THSD4: variants seen among roughly 807,000 people sequenced by gnomAD.
The protein encoded by THSD4 is thrombospondin type-1 domain-containing protein 4.
THSD4 carries 69 observed loss-of-function variants against 119.0 expected under a neutral mutation model. The observed-to-expected ratio is 0.58, with a 90% CI of 0.48 to 0.71. THSD4 has a LOEUF of 0.71. Among genes scored for constraint, THSD4 ranks in the 30% least tolerant of loss-of-function variants. The pLI, the probability that THSD4 is intolerant of heterozygous loss-of-function variation, is 0.00. For synonymous variants in THSD4, 524 were observed against 540.4 expected (o/e 0.97, Z 0.42); for missense variants, 1,393 against 1,391.1 (o/e 1.00, Z -0.02).
At chr15:71,165,314 T>A in intron 3 of THSD4, 1 of 1,584,212 alleles carries the variant, frequency 6.3e-7, no homozygotes. Flanking sequence ...AGAAGTTGAC[T>A]GAAGCATCTG....
intron 8 of THSD4, among the ~76,000 whole-genome samples, chr15:71,664,633 T>C (rs1459139814): frequency 6.6e-6 from 1 of 152,192 alleles, no homozygotes; most frequent in Non-Finnish European, 1.5e-5. Flanking sequence ...TAGTTATTTT[T>C]TCTGATCCTT....
intron 11 of THSD4, among the ~76,000 whole-genome samples, chr15:71,742,698 C>G (rs2141163156): frequency 6.6e-6 from 1 of 151,902 alleles, no homozygotes; most frequent in Admixed American, 6.6e-5. Context: ...GGTGCTGTCT[C>G]CCTTTCTAAA....
intron 11 of THSD4, among the ~76,000 whole-genome samples, chr15:71,744,806 A>G (rs1004865963): frequency 5.2e-4 from 79 of 152,346 alleles, no homozygotes; most frequent in African/African-American, 1.5e-3. Context: ...ATCTTGAACT[A>G]TAATGAAGAT....
At chr15:71,678,678 T>A (rs2051703093) in intron 8 of THSD4, among the ~76,000 whole-genome samples, 1 of 152,220 alleles carries the variant, frequency 6.6e-6, no homozygotes, top group African/African-American at 2.4e-5. Context: ...TCTGGCTGTT[T>A]TAGCATCAAC....
chr15:71,553,624 G>C (rs893785735), intron 7 of THSD4, among the ~76,000 whole-genome samples: 3 of 152,144 alleles, frequency 2.0e-5, no homozygotes, highest in African/African-American at 7.2e-5. Context: ...AGCTCTTCCA[G>C]ACTTAAATGG....
intron 6 of THSD4, among the ~76,000 whole-genome samples, chr15:71,334,830 G>A (rs2045471114): frequency 6.6e-6 from 1 of 152,188 alleles, no homozygotes; most frequent in African/African-American, 2.4e-5. Context: ...CTGGAAGAAG[G>A]AAGATGCACA....
At chr15:71,130,580 T>G (rs2040494299) in intron 1 of THSD4, among the ~76,000 whole-genome samples, 1 of 152,224 alleles carries the variant, frequency 6.6e-6, no homozygotes, top group Non-Finnish European at 1.5e-5. Flanking sequence ...TTACTACTTG[T>G]GTGACTCTGA....
At chr15:71,738,954 A>G (rs1244414239) in intron 11 of THSD4, among the ~76,000 whole-genome samples, 1 of 152,070 alleles carries the variant, frequency 6.6e-6, no homozygotes, top group African/African-American at 2.4e-5. Context: ...GGTTTGAGCA[A>G]CTCAGGCCTG....
intron 7 of THSD4, among the ~76,000 whole-genome samples, chr15:71,504,883 T>G (rs2048165659): frequency 1.3e-5 from 2 of 152,206 alleles, no homozygotes. Context: ...GTCTCCTTAG[T>G]CTCTTCTGGC....
chr15:71,751,010 A>G (rs2053438083), intron 14 of THSD4, among the ~76,000 whole-genome samples: 1 of 152,170 alleles, frequency 6.6e-6, no homozygotes, highest in Admixed American at 6.5e-5. Context: ...CCAGACAATT[A>G]CATCTATTTC....
At chr15:71,354,734 C>T (rs2045786431) in intron 6 of THSD4, among the ~76,000 whole-genome samples, 1 of 152,152 alleles carries the variant, frequency 6.6e-6, no homozygotes, top group African/African-American at 2.4e-5. Flanking sequence ...TGCCACATGA[C>T]CTCTTCAGGT....
intron 7 of THSD4, among the ~76,000 whole-genome samples, chr15:71,571,215 T>G (rs2049348710): frequency 6.6e-6 from 1 of 152,158 alleles, no homozygotes; most frequent in Non-Finnish European, 1.5e-5. Context: ...ACTCACTTTT[T>G]TTTTTTTCCT....
chr15:71,142,810 A>T (rs2040617809), intron 2 of THSD4, among the ~76,000 whole-genome samples: 1 of 152,272 alleles, frequency 6.6e-6, no homozygotes, highest in African/African-American at 2.4e-5. Context: ...TTGAATCATT[A>T]TGATATCTTG....
At chr15:71,557,545 TA>T (rs2049039913) in intron 7 of THSD4, among the ~76,000 whole-genome samples, 1 of 152,148 alleles carries the variant, frequency 6.6e-6, no homozygotes, top group African/African-American at 2.4e-5. Context: ...TTCTATAATA[TA>T]AAATTATTGT....
intron 8 of THSD4, among the ~76,000 whole-genome samples, chr15:71,662,751 T>C (rs1296319616): frequency 6.6e-6 from 1 of 152,150 alleles, no homozygotes. Context: ...GGAATAAGAA[T>C]CTTCACCTTA....
At chr15:71,678,335 C>A (rs1187093644) in intron 8 of THSD4, among the ~76,000 whole-genome samples, 1 of 152,194 alleles carries the variant, frequency 6.6e-6, no homozygotes, top group Non-Finnish European at 1.5e-5. Flanking sequence ...AAACAGTAAT[C>A]TTGAAGATTT....
chr15:71,248,495 T>G (rs1218006820), intron 5 of THSD4, among the ~76,000 whole-genome samples: 1 of 152,092 alleles, frequency 6.6e-6, no homozygotes, highest in Admixed American at 6.5e-5. Context: ...TTATGAGTTT[T>G]TAAGGGTCTT....
intron 8 of THSD4, among the ~76,000 whole-genome samples, chr15:71,717,513 C>A (rs1046620573): frequency 1.3e-5 from 2 of 149,772 alleles, no homozygotes; most frequent in East Asian, 3.9e-4. Flanking sequence ...AAAATTGCCA[C>A]AGGCTAAAGA....
chr15:71,197,664 G>A (rs1352276496), intron 3 of THSD4, among the ~76,000 whole-genome samples: 2 of 152,098 alleles, frequency 1.3e-5, no homozygotes, highest in African/African-American at 4.8e-5. Context: ...GGCTGAACTC[G>A]GTGCTCCATG....
Sources: allele counts gnomAD v4.1 joint callset (sites outside exome capture counted in the v4.1 genomes callset), GRCh38; gene constraint gnomAD v4.1.1; transcripts MANE v1.5; gene names NCBI Gene and HGNC (gene_info 2026-07-23, HGNC 2026-07-21).